SLC15A2: variants seen among roughly 807,000 people sequenced by gnomAD.
SLC15A2 encodes the protein kidney H(+)/peptide cotransporter.
A neutral mutation model predicts 95.5 loss-of-function variants in SLC15A2; 77 were observed. The observed-to-expected ratio is 0.81, with a 90% CI of 0.67 to 0.97. SLC15A2 has a LOEUF of 0.97. Among genes scored for constraint, SLC15A2 ranks in the 50% least tolerant of loss-of-function variants. The pLI, the probability that SLC15A2 is intolerant of heterozygous loss-of-function variation, is 0.00. For missense variants in SLC15A2, 893 were observed against 874.4 expected (o/e 1.02, Z -0.27); for synonymous variants, 306 against 306.9 (o/e 1.00, Z 0.03).
intron 4 of SLC15A2, among the ~76,000 whole-genome samples, chr3:121,912,761 A>G (rs1312345150): frequency 6.6e-6 from 1 of 152,168 alleles, no homozygotes; most frequent in South Asian, 2.1e-4. Flanking sequence ...TCGGATGCTC[A>G]TAAGGGGTAA....
intron 3 of SLC15A2, 72 bp from the exon 4 acceptor site, chr3:121,911,502 T>C: frequency 9.8e-7 from 1 of 1,023,742 alleles, no homozygotes; most frequent in East Asian, 2.4e-5. Context: ...GAGAACAGTA[T>C]GAACCCTAAG....
intron 13 of SLC15A2, among the ~76,000 whole-genome samples, chr3:121,926,293 T>C (rs1710120755): frequency 6.6e-6 from 1 of 152,152 alleles, no homozygotes. Context: ...AGTCGGATCA[T>C]GGGGATGAAT....
rs1710487407 is a variant in SLC15A2, at chr3:121,942,942, G to A, written c.*1935G>A. 1 of 151,950 alleles carries A rather than the reference G, an allele frequency of 6.6e-6. No individual in the cohort carries two copies. Among genetic ancestry groups the A allele is most frequent in the Non-Finnish European group, 1.5e-5 (1 of 67,994 alleles). The allele number at this position is 151,950 out of a possible 1,614,324, so 9.4% of individuals were successfully genotyped here. ...TTCCTCTCTGAAACCTCCTACCATT[G>A]TTTTTTTTCCCCTGTAGCTAACAAG... On this transcript the variant is annotated 3_prime_UTR_variant, in exon 22 of 22. Transcript: ENST00000489711.
At chr3:121,916,534 C>T (rs1485562399) in intron 7 of SLC15A2, among the ~76,000 whole-genome samples, 1 of 152,166 alleles carries the variant, frequency 6.6e-6, no homozygotes, top group Non-Finnish European at 1.5e-5. Flanking sequence ...TAGTAGTACT[C>T]AGAATTCCCA....
chr3:121,935,497 G>A (rs1279197925), intron 19 of SLC15A2, among the ~76,000 whole-genome samples: 1 of 152,162 alleles, frequency 6.6e-6, no homozygotes. Flanking sequence ...TCTTGGGAGG[G>A]TGTATGTGTC....
At chr3:121,896,285 C>A in intron 1 of SLC15A2, 121 bp from the exon 2 acceptor site, 1 of 761,310 alleles carries the variant, frequency 1.3e-6, no homozygotes, top group South Asian at 1.5e-5. Flanking sequence ...GAGTAGAGAC[C>A]ATTGCTCCAT....
chr3:121,926,916 A>T (rs1710133879), intron 13 of SLC15A2, among the ~76,000 whole-genome samples: 1 of 152,194 alleles, frequency 6.6e-6, no homozygotes, highest in African/African-American at 2.4e-5. Flanking sequence ...GTCAAAGGAG[A>T]TTATTCTGGA....
At position 121,943,997 on chromosome 3, in the gene SLC15A2, G is replaced by A. The variant is rs1710506329; in HGVS notation, c.*2990G>A. ...CTCTGAAAATGTCTATATCTGTTAT[G>A]TATCAATTTTTTAAAAAGTGAATGA... On this transcript the variant is annotated 3_prime_UTR_variant, in exon 22 of 22. Coordinates refer to ENST00000489711, the MANE Select transcript of SLC15A2 (RefSeq NM_021082.4). 6.6e-6 allele frequency: 1 copy of A among 152,060 alleles called. No homozygotes were observed. The highest frequency in any genetic ancestry group is 6.5e-5 in the Admixed American group (1 of 15,270). The allele number at this position is 152,060 out of a possible 1,614,324, so 9.4% of individuals were successfully genotyped here. A position where few individuals can be genotyped will look rare whatever the true frequency, so the allele number is the denominator to read the frequency against.
intron 13 of SLC15A2, among the ~76,000 whole-genome samples, chr3:121,926,350 TAG>T (rs1248062735): frequency 6.6e-6 from 1 of 152,154 alleles, no homozygotes; most frequent in Non-Finnish European, 1.5e-5. Context: ...GTCCTTATGA[TAG>T]TGAGTTCTAG....
In SLC15A2 at chr3:121,896,412, T is replaced by C. The variant is rs773729056; in HGVS notation, c.112T>C (p.Cys38Arg). The stretch of plus-strand genomic sequence containing the variant: ...TTGCCTTCTTGTTGAATAGACAATC[T>C]GTGGCTCCAACTATCCACTGAGCAT... ...SPPKKPSPTI[C>R]GSNYPLSIAF... Residue 38 changes from cysteine to arginine, a missense_variant, in exon 2 of 22, where the codon TGT becomes CGT. Cys to Arg is a radical substitution (Grantham distance 180, BLOSUM62 -3). Coordinates refer to ENST00000489711, the MANE Select transcript of SLC15A2 (RefSeq NM_021082.4). The C allele has an allele frequency of 3.1e-5, 50 of 1,612,968 alleles. No homozygotes were observed. The highest frequency in any genetic ancestry group is 1.6e-4 in the Middle Eastern group (1 of 6,084).
chr3:121,914,972 A>G, intron 5 of SLC15A2: 1 of 1,225,166 alleles, frequency 8.2e-7, no homozygotes, highest in Non-Finnish European at 1.0e-6. Context: ...GGCACTGAAG[A>G]CAGGAAGATT....
Position 121,913,078 on chromosome 3 carries a change from C to T in SLC15A2, c.486C>T (p.Pro162=), listed in dbSNP as rs553052850. ...CTTTGGGGACAGGAGGCATCAAACC[C>T]TGTGTGGCAGCTTTTGGTGGAGACC... ...LIALGTGGIK[P]CVAAFGGDQF... The change falls in exon 5 of 22, where the codon CCC becomes CCT. Residue 162 remains proline (P), a synonymous_variant. Coordinates refer to ENST00000489711, the MANE Select transcript of SLC15A2 (RefSeq NM_021082.4). 2 of 1,613,952 alleles carry T rather than the reference C, an allele frequency of 1.2e-6. No individual in the cohort carries two copies. Among genetic ancestry groups the T allele is most frequent in the African/African-American group, 2.7e-5 (2 of 75,046 alleles).
chr3:121,928,479 C>T lies in SLC15A2; in HGVS notation c.1265C>T (p.Ala422Val). The change falls in exon 15 of 22, where the codon GCA (alanine) becomes GTA (valine). Residue 422 changes from alanine to valine, a missense_variant. Physicochemically the swap from Ala to Val is moderately conservative, Grantham distance 64. Transcript: ENST00000489711. ...GTTTTCCTACAAGTCTTGAATCTGG[C>T]AGATGATGAGGTGAAGGTGACAGTG... ...QEVFLQVLNL[A>V]DDEVKVTVVG... The T allele has an allele frequency of 6.2e-7, 1 of 1,614,028 alleles. No individual in the cohort carries two copies. Among genetic ancestry groups the T allele is most frequent in the Non-Finnish European group, 8.5e-7 (1 of 1,179,944 alleles).
chr3:121,901,609 T>A (rs1709521543), intron 3 of SLC15A2, among the ~76,000 whole-genome samples: 1 of 151,928 alleles, frequency 6.6e-6, no homozygotes, highest in East Asian at 1.9e-4. Context: ...TGCGTGTGCA[T>A]GTGTGTGTAA....
In SLC15A2 at chr3:121,897,451, AC is replaced by A. The variant is rs1389632787; in HGVS notation, c.259del (p.His87MetfsTer40). 1 of 1,613,922 alleles carries A rather than the reference AC, an allele frequency of 6.2e-7. No homozygotes were observed. Among genetic ancestry groups the A allele is most frequent in the Admixed American group, 1.7e-5 (1 of 60,022 alleles). ...HWNEDTSTSIYHAFSSLCYFT... is the reference protein window; with the variant it reads ...HWNEDTSTSIXHAFSSLCYFT... ...AATGAAGATACCTCCACATCTATAT[AC>A]CATGCCTTCAGCAGCCTCTGTTATT... On this transcript the variant is annotated frameshift_variant, in exon 3 of 22. Transcript: ENST00000489711. LOFTEE classifies it high-confidence loss of function.
chr3:121,931,102 C>G, intron 18 of SLC15A2, 152 bp downstream of exon 18: 1 of 603,870 alleles, frequency 1.7e-6, no homozygotes, highest in East Asian at 2.8e-5. Flanking sequence ...TTCCTTCCCT[C>G]AGTCTCACTT....
At chr3:121,912,256 CAG>C (rs748450159) in intron 4 of SLC15A2, among the ~76,000 whole-genome samples, 7 of 152,238 alleles carry the variant, frequency 4.6e-5, no homozygotes, top group Non-Finnish European at 7.4e-5. Flanking sequence ...TGTTTTTAGA[CAG>C]AGTCTTGCTC....
intron 5 of SLC15A2, chr3:121,914,872 A>AC: frequency 4.5e-6 from 2 of 442,830 alleles, no homozygotes; most frequent in Non-Finnish European, 6.0e-6. Context: ...AAAAAAAAAA[A>AC]AAACCACAAA....
chr3:121,938,291 A>G (rs1576694598), intron 19 of SLC15A2, among the ~76,000 whole-genome samples: 1 of 152,234 alleles, frequency 6.6e-6, no homozygotes. Flanking sequence ...GGTGGGCTCC[A>G]CCCAGTTGGA....
Sources: allele counts gnomAD v4.1 joint callset (sites outside exome capture counted in the v4.1 genomes callset), GRCh38; gene constraint gnomAD v4.1.1; transcripts MANE v1.5; gene names NCBI Gene and HGNC (gene_info 2026-07-23, HGNC 2026-07-21).